CRAT: variants seen among roughly 807,000 people sequenced by gnomAD.
CRAT encodes carnitine acetylase.
Under a neutral mutation model 73.7 loss-of-function variants are expected in CRAT, and 66 were observed. The ratio of observed to expected loss-of-function variants is 0.90; its 90% CI spans 0.73 to 1.10. The LOEUF is 1.10. CRAT is among the 50% of genes least tolerant of loss of function. The probability of loss-of-function intolerance (pLI) is 0.00; values close to 1 mark genes in which losing one functional copy is unlikely to be tolerated. For missense variants in CRAT, 745 were observed against 846.9 expected (o/e 0.88, Z 1.49); for synonymous variants, 321 against 343.2 (o/e 0.94, Z 0.71).
In CRAT at chr9:129,110,367, T is replaced by TC. The variant is rs1848342778; in HGVS notation, c.27+115dup. 9.0e-7 allele frequency: 1 copy of TC among 1,105,426 alleles called. No individual in the cohort carries two copies. 68.5% of individuals were successfully genotyped at this position (1,105,426 alleles called of 1,614,324 possible). ...GGGACGCCCGCCTGACCCCACCCCA[T>TC]CAGCTGGAGGCCGGGTCGAACAGCG... On this transcript the variant is annotated intron_variant, in intron 1 of 13. Transcript: ENST00000318080. The surrounding 1 kb of genome is among the most constrained non-coding windows in gnomAD (Gnocchi z 5.3).
chr9:129,097,472 G>C (rs1190915397), intron 11 of CRAT, among the ~76,000 whole-genome samples, 160 bp from the exon 12 acceptor site: 1 of 152,204 alleles, frequency 6.6e-6, no homozygotes, highest in African/African-American at 2.4e-5. Context: ...ACTTTGGGAG[G>C]CCGAGGCAGG....
rs534325876 is a variant in CRAT at position 129,104,143 on chromosome 9, C to T, written c.410+45G>A. 27 of 1,464,516 alleles carry T rather than the reference C, an allele frequency of 1.8e-5. No individual in the cohort carries two copies. The East Asian group carries it at 2.9e-4, about 16-fold the overall frequency. The allele number at this position is 1,464,516 out of a possible 1,614,324, so 90.7% of individuals were successfully genotyped here. A position where few individuals can be genotyped will look rare whatever the true frequency, so the allele number is the denominator to read the frequency against. On this transcript the variant is annotated intron_variant, in intron 3 of 13. Transcript: ENST00000318080. The stretch of plus-strand genomic sequence containing the variant: ...TCCAAGCGGCTGGGCGAAGTGAACT[C>T]GAGGGGCCCGGCTGCCTCCTGGCCC...
rs374105150 is a variant in CRAT, at chr9:129,108,766, C to T, written c.28-689G>A. On this transcript the variant is annotated intron_variant, in intron 1 of 13. Transcript: ENST00000318080. Reference sequence around the variant, plus strand: ...TGGCAGGAGCTCTGTTCCATACCTTCTCTCTCTGCTGCCCGTCCTCCTCCA... The same window carrying T: ...TGGCAGGAGCTCTGTTCCATACCTTTTCTCTCTGCTGCCCGTCCTCCTCCA... 61 of 1,304,226 alleles carry T rather than the reference C, an allele frequency of 4.7e-5. No homozygotes were observed. In the East Asian group the frequency reaches 1.5e-3, roughly 32 times the overall value. The allele number at this position is 1,304,226 out of a possible 1,614,324, so 80.8% of individuals were successfully genotyped here.
At chr9:129,102,107 G>C in intron 5 of CRAT, 50 bp from the exon 6 acceptor site, 1 of 1,575,622 alleles carries the variant, frequency 6.3e-7, no homozygotes, top group Non-Finnish European at 8.6e-7. Context: ...GGGACCTCAG[G>C]CTGAGAGCAG....
In CRAT at chr9:129,100,547, G is replaced by A. The variant is rs758108880; in HGVS notation, c.948C>T (p.Leu316=). 2.1e-5 allele frequency: 34 copies of A among 1,613,628 alleles called. No individual in the cohort carries two copies. The South Asian group carries it at 2.9e-4, about 14-fold the overall frequency. ...GQMLHGGGSR[L]NSGNRWFDKT... is the part of the protein sequence containing the mutation. ...TGTCGAACCAGCGGTTGCCGCTGTT[G>A]AGCCTGCTGCCGCCCCCATGCAGCA... The change falls in exon 7 of 14, where the codon CTC becomes CTT. Residue 316 remains leucine, a synonymous_variant. Transcript: ENST00000318080.
chr9:129,102,369 G>A (rs1262028274), intron 5 of CRAT, 31 bp downstream of exon 5: 3 of 1,613,412 alleles, frequency 1.9e-6, no homozygotes, highest in Admixed American at 3.3e-5. Context: ...AGCAGGGCCG[G>A]GGCTTGTAGG....
chr9:129,108,093 C>T lies in CRAT; in HGVS notation c.28-16G>A, dbSNP rs1486881378. On this transcript the variant is annotated splice_polypyrimidine_tract_variant and intron_variant, in intron 1 of 13. Transcript: ENST00000318080. ...GAGGCTTCACCTGCAGGTAGCAGAA[C>T]ATCCTGTTCATTCCCTCCCCGGCTC... is the stretch of plus-strand genomic sequence containing the variant. 33 of 1,504,294 alleles carry T rather than the reference C, an allele frequency of 2.2e-5. No homozygotes were observed. Among genetic ancestry groups the T allele is most frequent in the Non-Finnish European group, 2.8e-5 (32 of 1,134,902 alleles). The allele number at this position is 1,504,294 out of a possible 1,614,324, so 93.2% of individuals were successfully genotyped here.
In CRAT at chr9:129,107,511, G is replaced by A. The variant is rs1283244698; in HGVS notation, c.291+303C>T. 4.3e-5 allele frequency: 27 copies of A among 633,548 alleles called. No individual in the cohort carries two copies. In the East Asian group the frequency reaches 7.1e-4, roughly 17 times the overall value. The allele number at this position is 633,548 out of a possible 1,614,324, so 39.2% of individuals were successfully genotyped here. ...CTGAGGCTGTCCCACCAAGCACAAG[G>A]GCATCTTCTATCTGGTTGTACCTGC... is the stretch of plus-strand genomic sequence containing the variant. On this transcript the variant is annotated intron_variant, in intron 2 of 13. Coordinates refer to ENST00000318080, the MANE Select transcript of CRAT (RefSeq NM_000755.5). This position sits in a 1 kb window ranked among gnomAD's most constrained non-coding sequence, Gnocchi z 5.0.
At position 129,099,926 on chromosome 9, in the gene CRAT, T is replaced by C; in HGVS notation, c.1025A>G (p.Glu342Gly). ...AGGGGGCCCCTCCGCTGCAGCATGC[T>C]CGTACACAAGCCCACAGGAGCCATC... ...AEDGSCGLVY[E>G]HAAAEGPPIV... Residue 342 changes from glutamate (E) to glycine (G), a missense_variant, in exon 8 of 14, where the codon GAG becomes GGG. By Grantham distance (98) the Glu-to-Gly change is moderately conservative (BLOSUM62 -2). Coordinates refer to ENST00000318080, the MANE Select transcript of CRAT (RefSeq NM_000755.5). 1 of 1,612,596 alleles carries C rather than the reference T, an allele frequency of 6.2e-7. No homozygotes were observed. The highest frequency in any genetic ancestry group is 1.1e-5 in the South Asian group (1 of 90,792).
At chr9:129,104,751 C>T (rs536255443) in intron 2 of CRAT, among the ~76,000 whole-genome samples, 5 of 151,062 alleles carry the variant, frequency 3.3e-5, no homozygotes, top group African/African-American at 9.7e-5. Context: ...ACTACAGGCG[C>T]CAGCCACCAC....
rs900002797 is a variant in CRAT at position 129,096,214 on chromosome 9, G to A, written c.1528-79C>T. On this transcript the variant is annotated intron_variant, in intron 12 of 13. Transcript: ENST00000318080. Reference sequence around the variant, plus strand: ...CCTGCCCTCTTCAGCCTGTGGCAGCGCCACCCTTCGCAGGCACTGGCCACT... The same window carrying A: ...CCTGCCCTCTTCAGCCTGTGGCAGCACCACCCTTCGCAGGCACTGGCCACT... The A allele has an allele frequency of 1.7e-5, 27 of 1,568,252 alleles. No homozygotes were observed. In the East Asian group the frequency reaches 2.9e-4, roughly 17 times the overall value.
rs572891416 is a variant in CRAT at position 129,100,736 on chromosome 9, G to A, written c.806-47C>T. 7.0e-6 allele frequency: 11 copies of A among 1,575,428 alleles called. No homozygotes were observed. The East Asian group carries it at 2.1e-4, about 30-fold the overall frequency. On this transcript the variant is annotated intron_variant, in intron 6 of 13. Coordinates refer to ENST00000318080, the MANE Select transcript of CRAT (RefSeq NM_000755.5). ...GAGACGCAAAATGGGGTCTCATGGTGTGGGAGAGATGGACCAGCCCCTCCG... is the reference window on the plus strand; with the variant it reads ...GAGACGCAAAATGGGGTCTCATGGTATGGGAGAGATGGACCAGCCCCTCCG...
At position 129,100,654 on chromosome 9, in the gene CRAT, T is replaced by C. The variant is rs1847611647; in HGVS notation, c.841A>G (p.Lys281Glu). ...TCTAGGCACACGGTGAAGATGCTCT[T>C]CTGGATGGAGCGCACGGAATCCCGG... Reference protein sequence around the residue: ...VNRDSVRSIQKSIFTVCLDAT... With the variant: ...VNRDSVRSIQESIFTVCLDAT... Residue 281 changes from lysine to glutamate, a missense_variant, in exon 7 of 14, where the codon AAG becomes GAG. Physicochemically the swap from Lys to Glu is moderately conservative, Grantham distance 56. Coordinates refer to ENST00000318080, the MANE Select transcript of CRAT (RefSeq NM_000755.5). 6.2e-7 allele frequency: 1 copy of C among 1,613,874 alleles called. No individual in the cohort carries two copies. Among genetic ancestry groups the C allele is most frequent in the Non-Finnish European group, 8.5e-7 (1 of 1,179,928 alleles).
chr9:129,099,185 C>A (rs999603648), intron 8 of CRAT, among the ~76,000 whole-genome samples: 1 of 150,054 alleles, frequency 6.7e-6, no homozygotes, highest in African/African-American at 2.5e-5. Context: ...TTCTGTCACC[C>A]AGGCTAGAGT....
intron 2 of CRAT, among the ~76,000 whole-genome samples, chr9:129,105,680 G>T (rs1471070916): frequency 6.6e-6 from 1 of 152,168 alleles, no homozygotes; most frequent in Non-Finnish European, 1.5e-5. Context: ...CAGGAGACTG[G>T]GGTATCAGAG....
rs189733013 is a variant in CRAT at position 129,104,378 on chromosome 9, G to C, written c.292-72C>G. ...TGCCCCCTGTTCCCCAGGGCTAGGGGACCTGGCTGGCCCCCATGCCCTCTA... is the reference window on the plus strand; with the variant it reads ...TGCCCCCTGTTCCCCAGGGCTAGGGCACCTGGCTGGCCCCCATGCCCTCTA... On this transcript the variant is annotated intron_variant, in intron 2 of 13. Transcript: ENST00000318080. The C allele has an allele frequency of 4.7e-6, 6 of 1,267,948 alleles. No homozygotes were observed. In the South Asian group the frequency reaches 7.4e-5, roughly 16 times the overall value. The allele number at this position is 1,267,948 out of a possible 1,614,324, so 78.5% of individuals were successfully genotyped here. A position where few individuals can be genotyped will look rare whatever the true frequency, so the allele number is the denominator to read the frequency against.
chr9:129,099,531 A>AT (rs1420155849), intron 8 of CRAT, among the ~76,000 whole-genome samples: 1 of 151,298 alleles, frequency 6.6e-6, no homozygotes, highest in Non-Finnish European at 1.5e-5. Flanking sequence ...GGTTCAAGCA[A>AT]TTCTCCTGCC....
intron 6 of CRAT, 25 bp downstream of exon 6, chr9:129,101,858 C>A (rs1362084077): frequency 1.2e-6 from 2 of 1,608,836 alleles, no homozygotes; most frequent in Non-Finnish European, 1.7e-6. Flanking sequence ...GGGTGTGCAG[C>A]CCCAGCACGG....
At chr9:129,102,078 A>T (rs749780043) in intron 5 of CRAT, 21 bp from the exon 6 acceptor site, 1 of 1,610,740 alleles carries the variant, frequency 6.2e-7, no homozygotes, top group Non-Finnish European at 8.5e-7. Context: ...ACAGGCAGGT[A>T]AGAGGAGGGA....
Sources: gnomAD v4.1 joint callset for allele counts (sites outside exome capture counted in the v4.1 genomes callset) on GRCh38, gnomAD v4.1.1 for gene constraint, Gnocchi (gnomAD v3.1) non-coding constraint, MANE v1.5 for transcripts, NCBI Gene and HGNC (gene_info 2026-07-23, HGNC 2026-07-21) for gene names.